The following APBB2 variants were observed in gnomAD, a reference collection of about 807,000 sequenced individuals.
The protein encoded by APBB2 is amyloid beta precursor protein binding family B member 2, also known as Fe65-like 1.
In APBB2, 38 loss-of-function variants were observed where a neutral mutation model predicts 82.5. The ratio of observed to expected loss-of-function variants is 0.46; its 90% CI spans 0.36 to 0.60. The LOEUF is 0.60. Among genes scored for constraint, APBB2 ranks in the 20% least tolerant of loss-of-function variants. The pLI, the probability that APBB2 is intolerant of heterozygous loss-of-function variation, is 0.00. For missense variants in APBB2, 772 were observed against 972.3 expected (o/e 0.79, Z 2.74); for synonymous variants, 341 against 368.2 (o/e 0.93, Z 0.85).
Position 41,144,361 on chromosome 4 carries a change from T to A in APBB2, c.-416-1219A>T, listed in dbSNP as rs548728440. On this transcript the variant is annotated intron_variant, in intron 1 of 17. Transcript: ENST00000508593. ...ATGTATGGTATGATCCCAATTTTGT[T>A]CTACAAACTGAGTGCATATAATCTA... 2.0e-5 allele frequency among the ~76,000 whole-genome samples: 3 copies of A among 152,356 alleles called. No individual in the cohort carries two copies. In the South Asian group the frequency reaches 6.2e-4, roughly 32 times the overall value.
intron 7 of APBB2, among the ~76,000 whole-genome samples, chr4:40,941,806 C>CT (rs1052609974): frequency 0.011 from 1,553 of 146,406 alleles, 10 homozygotes; most frequent in Non-Finnish European, 0.016. Context: ...AATTTAAAAT[C>CT]TTTTTTTTTT....
chr4:40,857,009 T>C, intron 12 of APBB2: 3 of 985,578 alleles, frequency 3.0e-6, no homozygotes, highest in Non-Finnish European at 3.6e-6. Flanking sequence ...GAGCCGTTCC[T>C]TCGCCAACTT....
intron 6 of APBB2, among the ~76,000 whole-genome samples, chr4:40,982,387 G>GAAAGGAAAGGA (rs57649213): frequency 9.1e-5 from 1 of 11,030 alleles, no homozygotes; most frequent in African/African-American, 2.6e-4. Context: ...AGGAAGGAAG[G>GAAAGGAAAGGA]AAGGAAAGGA....
At chr4:41,029,378 A>T (rs1352798285) in intron 5 of APBB2, among the ~76,000 whole-genome samples, 4 of 152,248 alleles carry the variant, frequency 2.6e-5, no homozygotes, top group Non-Finnish European at 5.9e-5. Context: ...GTTATCAATA[A>T]GGCAGCTTGG....
chr4:41,175,453 G>GT (rs1266915963), intron 1 of APBB2, among the ~76,000 whole-genome samples: 1 of 151,906 alleles, frequency 6.6e-6, no homozygotes, highest in East Asian at 1.9e-4. Context: ...TTGTTTGTTT[G>GT]TTTTTTAAGT....
chr4:41,030,588 C>T lies in APBB2; in HGVS notation c.19+2648G>A, dbSNP rs117079192. 3.8e-3 allele frequency among the ~76,000 whole-genome samples: 574 copies of T among 152,226 alleles called. 5 individuals are homozygous for T. The highest frequency in any genetic ancestry group is 0.037 in the East Asian group (190 of 5,172). On this transcript the variant is annotated intron_variant, in intron 5 of 17. Transcript: ENST00000508593. ...CTCTCTTCCCTGCTCAATTTCTAAG[C>T]TGTTTCCATTCTTTAATAAAGCCTC... is the stretch of plus-strand genomic sequence containing the variant.
rs563992676 is a variant in APBB2 at position 40,901,501 on chromosome 4, G to C, written c.1255-8090C>G. Among the ~76,000 whole-genome samples the C allele has an allele frequency of 9.2e-5, 14 of 151,976 alleles. No homozygotes were observed. The East Asian group carries it at 1.4e-3, about 15-fold the overall frequency. On this transcript the variant is annotated intron_variant, in intron 10 of 17. Coordinates refer to ENST00000508593, the MANE Select transcript of APBB2 (RefSeq NM_004307.2). ...AGGCTGACTCATCAGCTGACTTCAG[G>C]GTTTTTTTTGTTGTTGTTTTTTGTT...
chr4:40,945,057 A>G lies in APBB2; in HGVS notation c.852T>C (p.Asp284=), dbSNP rs1787999931. 8.8e-6 allele frequency: 13 copies of G among 1,479,960 alleles called. No individual in the cohort carries two copies. Among genetic ancestry groups the G allele is most frequent in the Non-Finnish European group, 1.2e-5 (13 of 1,100,106 alleles). 91.7% of individuals were successfully genotyped at this position (1,479,960 alleles called of 1,614,324 possible). Reference sequence around the variant, plus strand: ...AATCTGGATCAGTCTGAAATGAGTGATCACTCCATATATCTGCTGAAAAAT... The same window carrying G: ...AATCTGGATCAGTCTGAAATGAGTGGTCACTCCATATATCTGCTGAAAAAT... The part of the protein sequence containing the change: ...SPDETADIWS[D]HSFQTDPDLP... The change falls in exon 7 of 18, where the codon GAT becomes GAC. Residue 284 remains aspartate, a synonymous_variant. Transcript: ENST00000508593.
In APBB2 at chr4:40,832,013, T is replaced by TATACATAC. The variant is rs777910826; in HGVS notation, c.1530-1437_1530-1436insGTATGTAT. ...ACACATATTTATATATTTATTTATA[T>TATACATAC]ACACACACACACACACACACACACA... On this transcript the variant is annotated intron_variant, in intron 12 of 17. Transcript: ENST00000508593. This position sits in a 1 kb window ranked among gnomAD's most constrained non-coding sequence, Gnocchi z 4.8. Among the ~76,000 whole-genome samples, 1 of 138,886 alleles carries TATACATAC rather than the reference T, an allele frequency of 7.2e-6. No individual in the cohort carries two copies. The allele number at this position is 138,886 out of a possible 152,430, so 91.1% of individuals were successfully genotyped here.
chr4:40,884,586 G>A (rs1769649022), intron 12 of APBB2, among the ~76,000 whole-genome samples: 3 of 152,038 alleles, frequency 2.0e-5, no homozygotes. Flanking sequence ...AGACCAGCAT[G>A]GGCAACAAAG....
At chr4:41,172,675 C>T (rs554836426) in intron 1 of APBB2, among the ~76,000 whole-genome samples, 2 of 152,332 alleles carry the variant, frequency 1.3e-5, no homozygotes, top group Admixed American at 6.5e-5. Context: ...GAAATGAAAT[C>T]CATATGCTTG....
At chr4:40,889,022 T>C (rs1221551946) in intron 12 of APBB2, among the ~76,000 whole-genome samples, 11 of 152,218 alleles carry the variant, frequency 7.2e-5, no homozygotes, top group Admixed American at 7.2e-4. Context: ...CATGCATCTT[T>C]CCAGGGCTAC....
In APBB2 at chr4:40,881,957, A is replaced by T. The variant is rs150004561; in HGVS notation, c.1529+8407T>A. On this transcript the variant is annotated intron_variant, in intron 12 of 17. Transcript: ENST00000508593. The stretch of plus-strand genomic sequence containing the variant: ...TGCAGTGTCACCTGCAGTGTGGTGT[A>T]AACACAAAGAAGAGCCACACTGGCT... 7.1e-3 allele frequency among the ~76,000 whole-genome samples: 1,078 copies of T among 151,828 alleles called. 4 individuals carry two copies. Among genetic ancestry groups the T allele is most frequent in the Non-Finnish European group, 0.012 (811 of 68,014 alleles).
chr4:41,146,016 C>A (rs368976226), intron 1 of APBB2, among the ~76,000 whole-genome samples: 12 of 151,390 alleles, frequency 7.9e-5, no homozygotes, highest in African/African-American at 2.4e-4. Context: ...ATAGTGAGAC[C>A]CTATCTCTAC....
intron 2 of APBB2, among the ~76,000 whole-genome samples, chr4:41,116,155 T>C (rs1369509474): frequency 2.0e-5 from 3 of 152,336 alleles, no homozygotes; most frequent in Non-Finnish European, 2.9e-5. Flanking sequence ...TGAGTTCATG[T>C]CTTTTGCAGG....
At chr4:41,001,225 A>T (rs1013688190) in intron 6 of APBB2, among the ~76,000 whole-genome samples, 1 of 152,054 alleles carries the variant, frequency 6.6e-6, no homozygotes, top group Admixed American at 6.5e-5. Context: ...TTCCCCTACA[A>T]CATTTTGGGG....
At chr4:40,982,309 A>AAGGAAG (rs1560447022) in intron 6 of APBB2, among the ~76,000 whole-genome samples, 1 of 26,778 alleles carries the variant, frequency 3.7e-5, no homozygotes, top group Non-Finnish European at 8.7e-5. Context: ...AAGGAAGGAA[A>AAGGAAG]GAAAGAAAGA....
In APBB2 at chr4:41,059,981, C is replaced by CAA. The variant is rs5857772; in HGVS notation, c.-51+5593_-51+5594dup. On this transcript the variant is annotated intron_variant, in intron 4 of 17. Transcript: ENST00000508593. ...TGTAACAAACAGCAAAACTCCGTCT[C>CAA]AAAAAAAAATAAAATAATAATAATA... Among the ~76,000 whole-genome samples, 172 of 145,784 alleles carry CAA rather than the reference C, an allele frequency of 1.2e-3. 5 individuals carry two copies. The East Asian group carries it at 0.023, about 20-fold the overall frequency.
At chr4:40,893,168 G>A (rs1162044567) in intron 11 of APBB2, 97 bp downstream of exon 11, 8 of 1,442,714 alleles carry the variant, frequency 5.5e-6, no homozygotes, top group Non-Finnish European at 7.5e-6. Flanking sequence ...TGAACACCTC[G>A]GAGCCCCTCA....
Sources: gnomAD v4.1 joint callset for allele counts (sites outside exome capture counted in the v4.1 genomes callset) on GRCh38, gnomAD v4.1.1 for gene constraint, Gnocchi (gnomAD v3.1) non-coding constraint, MANE v1.5 for transcripts, NCBI Gene and HGNC (gene_info 2026-07-23, HGNC 2026-07-21) for gene names.